Variants in BCL2L11 observed in about 807,000 individuals in gnomAD.
BCL2L11 encodes BCL2 like 11.
BCL2L11 carries 15 observed loss-of-function variants against 20.6 expected under a neutral mutation model. The ratio of observed to expected loss-of-function variants is 0.73; its 90% CI spans 0.49 to 1.12. The LOEUF is 1.12. BCL2L11 is among the 50% of genes most tolerant of loss of function. The pLI is 0.00. For synonymous variants in BCL2L11, 108 were observed against 92.8 expected, an observed-to-expected ratio of 1.16 and a Z score of -0.94; for missense variants, 292 against 260.9, an observed-to-expected ratio of 1.12 and a Z score of -0.82.
chr2:111,137,030 G>C (rs1022910438), intron 2 of BCL2L11, among the ~76,000 whole-genome samples: 3 of 152,192 alleles, frequency 2.0e-5, no homozygotes, highest in Non-Finnish European at 2.9e-5. Flanking sequence ...GGCGTGCTCT[G>C]TGCTGCTTTC....
rs776051879 is a variant in BCL2L11, at chr2:111,123,420, G to A, written c.-13-313G>A. ...GTTTCTGACTTACTCGAAGAAGTCT[G>A]TCCTGGGCAAAGAGCACACACGAAT... On this transcript the variant is annotated intron_variant, in intron 1 of 3. Transcript: ENST00000393256. The A allele has an allele frequency of 3.7e-4, 362 of 985,360 alleles. 1 individual carries two copies. The highest frequency in any genetic ancestry group is 6.8e-4 in the Admixed American group (11 of 16,270). 61.0% of individuals were successfully genotyped at this position (985,360 alleles called of 1,614,324 possible). A position where few individuals can be genotyped will look rare whatever the true frequency, so the allele number is the denominator to read the frequency against.
intron 2 of BCL2L11, among the ~76,000 whole-genome samples, chr2:111,132,703 A>G (rs898247182): frequency 6.6e-6 from 1 of 152,190 alleles, no homozygotes; most frequent in Non-Finnish European, 1.5e-5. Flanking sequence ...GCCAGCAAAC[A>G]TTGCCTGTAA....
intron 2 of BCL2L11, among the ~76,000 whole-genome samples, chr2:111,148,170 G>A (rs1292253358): frequency 6.6e-6 from 1 of 152,196 alleles, no homozygotes; most frequent in Non-Finnish European, 1.5e-5. Context: ...GTCATGTGTA[G>A]TGAGAAACAG....
At chr2:111,153,106 G>T (rs966268340) in intron 3 of BCL2L11, among the ~76,000 whole-genome samples, 1 of 152,120 alleles carries the variant, frequency 6.6e-6, no homozygotes, top group South Asian at 2.1e-4. Context: ...GGCTGGGTAC[G>T]GTGGCTCACA....
chr2:111,150,204 T>A, intron 3 of BCL2L11, 57 bp downstream of exon 3: 1 of 1,576,122 alleles, frequency 6.3e-7, no homozygotes, highest in East Asian at 2.4e-5. Flanking sequence ...CCACACTATA[T>A]TTTTTTAAAA....
At chr2:111,147,358 A>T (rs764584195) in intron 2 of BCL2L11, among the ~76,000 whole-genome samples, 151 of 135,134 alleles carry the variant, frequency 1.1e-3, no homozygotes, top group African/African-American at 2.8e-3. Flanking sequence ...ACACACACAC[A>T]CACACACACA....
At chr2:111,128,319 ATACT>A in intron 2 of BCL2L11, among the ~76,000 whole-genome samples, 1 of 152,218 alleles carries the variant, frequency 6.6e-6, no homozygotes, top group Middle Eastern at 3.4e-3. Context: ...TGTATATCAC[ATACT>A]TCATTTATCC....
rs1280820935 is a variant in BCL2L11 at position 111,161,322 on chromosome 2, T to A, written c.499-2811T>A. On this transcript the variant is annotated intron_variant, in intron 3 of 3. Transcript: ENST00000393256. ...TCCCTGATTGTATTTATTTTAATAG[T>A]TTTTTAAAAAACGCTTGTAATCAGG... 4 of 1,435,252 alleles carry A rather than the reference T, an allele frequency of 2.8e-6. No homozygotes were observed. In the Admixed American group the frequency reaches 7.9e-5, roughly 28 times the overall value. 88.9% of individuals were successfully genotyped at this position (1,435,252 alleles called of 1,614,324 possible).
intron 3 of BCL2L11, among the ~76,000 whole-genome samples, chr2:111,161,260 A>G (rs1263001750): frequency 3.9e-5 from 6 of 152,220 alleles, no homozygotes; most frequent in Non-Finnish European, 7.3e-5. Context: ...CATAAAGAGG[A>G]AGATACCCAG....
At position 111,147,633 on chromosome 2, in the gene BCL2L11, G is replaced by A. The variant is rs13428866; in HGVS notation, c.395-2411G>A. ...CATTCACTAAGTGCTAGTTTTGATA[G>A]GTTGGCTTCTGACAGAGACTGCCCC... On this transcript the variant is annotated intron_variant, in intron 2 of 3. Transcript: ENST00000393256. Among the ~76,000 whole-genome samples the A allele has an allele frequency of 9.9e-3, 1,510 of 152,292 alleles. 32 individuals carry two copies. The highest frequency in any genetic ancestry group is 0.034 in the African/African-American group (1,410 of 41,560).
intron 2 of BCL2L11, among the ~76,000 whole-genome samples, chr2:111,127,419 CTTTTTTTTTTTT>C (rs774187139): frequency 8.0e-6 from 1 of 125,070 alleles, no homozygotes; most frequent in Non-Finnish European, 1.7e-5. Flanking sequence ...TAATGGCTTT[CTTTTTTTTTTTT>C]TTTTTTTCCT....
intron 1 of BCL2L11, chr2:111,123,068 T>C (rs2150131542): frequency 2.1e-6 from 2 of 974,478 alleles, no homozygotes; most frequent in Non-Finnish European, 2.4e-6. Context: ...CCTCCCCATT[T>C]AGAGATGTGC....
chr2:111,123,786 G>T lies in BCL2L11; in HGVS notation c.41G>T (p.Arg14Leu). The change falls in exon 2 of 4, where the codon CGA becomes CTA. Residue 14 changes from arginine (R) to leucine (L), a missense_variant. Coordinates refer to ENST00000393256, the MANE Select transcript of BCL2L11 (RefSeq NM_138621.5). ...QPSDVSSECD[R>L]EGRQLQPAER... ...TCTGATGTAAGTTCTGAGTGTGACC[G>T]AGAAGGTAGACAATTGCAGCCTGCG... The T allele has an allele frequency of 6.9e-7, 1 of 1,447,304 alleles. No individual in the cohort carries two copies. The highest frequency in any genetic ancestry group is 9.1e-7 in the Non-Finnish European group (1 of 1,095,302). The allele number at this position is 1,447,304 out of a possible 1,614,324, so 89.7% of individuals were successfully genotyped here.
At chr2:111,144,512 A>G in intron 2 of BCL2L11, 1 of 1,550,614 alleles carries the variant, frequency 6.4e-7, no homozygotes, top group Non-Finnish European at 8.7e-7. Flanking sequence ...AAACAGCTCC[A>G]TCACCCAGGT....
At chr2:111,137,986 T>C (rs2075193775) in intron 2 of BCL2L11, among the ~76,000 whole-genome samples, 2 of 150,996 alleles carry the variant, frequency 1.3e-5, no homozygotes, top group South Asian at 4.2e-4. Context: ...TGGGCTTTTC[T>C]CCCTTTTTTC....
At chr2:111,138,730 C>T (rs1445263084) in intron 2 of BCL2L11, among the ~76,000 whole-genome samples, 1 of 152,164 alleles carries the variant, frequency 6.6e-6, no homozygotes, top group African/African-American at 2.4e-5. Context: ...AGCTGTCTCC[C>T]CCACAGGCTG....
intron 2 of BCL2L11, among the ~76,000 whole-genome samples, chr2:111,132,492 C>G (rs1318870834): frequency 6.6e-6 from 1 of 152,142 alleles, no homozygotes; most frequent in Non-Finnish European, 1.5e-5. Context: ...TCCAGTTTCC[C>G]CATTCCTACC....
intron 2 of BCL2L11, among the ~76,000 whole-genome samples, chr2:111,145,492 T>C (rs1387492519): frequency 6.6e-6 from 1 of 151,966 alleles, no homozygotes; most frequent in African/African-American, 2.4e-5. Context: ...ATTGACAATC[T>C]CTCTTTTTTT....
At chr2:111,136,898 A>G (rs1445862342) in intron 2 of BCL2L11, among the ~76,000 whole-genome samples, 1 of 152,208 alleles carries the variant, frequency 6.6e-6, no homozygotes. Flanking sequence ...CTCCATGTGG[A>G]ATAACAGACT....
Sources: allele counts gnomAD v4.1 joint callset (sites outside exome capture counted in the v4.1 genomes callset), GRCh38; gene constraint gnomAD v4.1.1; transcripts MANE v1.5; gene names NCBI Gene and HGNC (gene_info 2026-07-23, HGNC 2026-07-21).